Variants in VRK3 observed in about 807,000 individuals in gnomAD.
VRK3 encodes VRK serine/threonine kinase 3, also known as serine/threonine-protein kinase VRK3.
Under a neutral mutation model 60.4 loss-of-function variants are expected in VRK3, and 50 were observed. The observed-to-expected ratio is 0.83, with a 90% CI of 0.66 to 1.05. The LOEUF (loss-of-function observed/expected upper bound fraction) is 1.05. Among genes scored for constraint, VRK3 ranks in the 50% least tolerant of loss-of-function variants. The probability of loss-of-function intolerance (pLI) is 0.00; values close to 1 mark genes in which losing one functional copy is unlikely to be tolerated. For synonymous variants in VRK3, 246 were observed against 227.8 expected (o/e 1.08, Z -0.72); for missense variants, 549 against 585.3 (o/e 0.94, Z 0.64).
chr19:50,003,137 G>A (rs577480643), intron 5 of VRK3, among the ~76,000 whole-genome samples: 10 of 152,268 alleles, frequency 6.6e-5, no homozygotes, highest in East Asian at 1.9e-4. Context: ...GCGGCAAGCA[G>A]AGGCAGCCCA....
At position 50,007,718 on chromosome 19, in the gene VRK3, G is replaced by A; in HGVS notation, c.398C>T (p.Thr133Ile). 6.3e-7 allele frequency: 1 copy of A among 1,583,226 alleles called. No individual in the cohort carries two copies. Among genetic ancestry groups the A allele is most frequent in the Middle Eastern group, 1.7e-4 (1 of 5,952 alleles). ...PQKTSCSPQK[T>I]RQSPQTLKRS... The stretch of plus-strand genomic sequence containing the variant: ...CTTCAGCGTCTGAGGGCTCTGCCTG[G>A]TCTTCTGAGGGCTACAGCTGGTCTT... The change falls in exon 5 of 15, where the codon ACC becomes ATC. Residue 133 changes from threonine to isoleucine, a missense_variant. Coordinates refer to ENST00000316763, the MANE Select transcript of VRK3 (RefSeq NM_016440.4).
intron 5 of VRK3, among the ~76,000 whole-genome samples, chr19:50,001,977 C>T (rs948853680): frequency 6.6e-6 from 1 of 152,170 alleles, no homozygotes; most frequent in Non-Finnish European, 1.5e-5. Context: ...CAGCCCAGAG[C>T]CCAGCACGGA....
At chr19:50,013,139 C>A (rs2077022636) in intron 3 of VRK3, among the ~76,000 whole-genome samples, 1 of 152,158 alleles carries the variant, frequency 6.6e-6, no homozygotes. Context: ...TGCACTCCAG[C>A]CTGGGCGACA....
intron 6 of VRK3, chr19:49,999,188 A>AT (rs2076758187): frequency 6.6e-6 from 1 of 152,218 alleles, no homozygotes; most frequent in South Asian, 2.1e-4. Flanking sequence ...ACTGTCACAT[A>AT]ATAGGTTCTC....
At chr19:50,024,625 T>G (rs2077233744) in intron 1 of VRK3, among the ~76,000 whole-genome samples, 1 of 152,204 alleles carries the variant, frequency 6.6e-6, no homozygotes, top group Non-Finnish European at 1.5e-5. Flanking sequence ...ACAGTGCCTA[T>G]TAGACTAGCA....
chr19:50,017,175 G>T (rs115732142), intron 2 of VRK3, among the ~76,000 whole-genome samples: 1 of 151,578 alleles, frequency 6.6e-6, no homozygotes, highest in Non-Finnish European at 1.5e-5. Context: ...GCCTGGACAA[G>T]AAGAGTGAAA....
chr19:50,024,304 T>A (rs1303452242), intron 1 of VRK3, among the ~76,000 whole-genome samples: 1 of 152,166 alleles, frequency 6.6e-6, no homozygotes, highest in East Asian at 1.9e-4. Context: ...CAACTCTCCA[T>A]AAGTATATGA....
Position 49,988,494 on chromosome 19 carries a change from T to C in VRK3, c.1097-2A>G. Reference sequence around the variant, plus strand: ...GGAGGTCGCTGCGGCGGGAGGGCCCTGGGGAAGGAGGAGTAAAGGTGGCAG... The same window carrying C: ...GGAGGTCGCTGCGGCGGGAGGGCCCCGGGGAAGGAGGAGTAAAGGTGGCAG... On this transcript the variant is annotated splice_acceptor_variant, in intron 11 of 14. Transcript: ENST00000316763. LOFTEE classifies it high-confidence loss of function. The C allele has an allele frequency of 6.2e-7, 1 of 1,612,310 alleles. No individual in the cohort carries two copies. Among genetic ancestry groups the C allele is most frequent in the South Asian group, 1.1e-5 (1 of 90,980 alleles).
intron 5 of VRK3, among the ~76,000 whole-genome samples, chr19:50,003,821 C>T (rs1299521603): frequency 1.8e-4 from 28 of 152,258 alleles, no homozygotes; most frequent in Admixed American, 1.8e-3. Flanking sequence ...AGCTCCGCAT[C>T]AGCAGGGCCT....
In VRK3 at chr19:50,016,943, G is replaced by A. The variant is rs55912249; in HGVS notation, c.-1-780C>T. Among the ~76,000 whole-genome samples, 92 of 137,134 alleles carry A rather than the reference G, an allele frequency of 6.7e-4. No individual in the cohort carries two copies. In the South Asian group the frequency reaches 0.012, roughly 18 times the overall value. 90.0% of individuals were successfully genotyped at this position (137,134 alleles called of 152,430 possible). ...GGTGGCTCAAGCCTGTAATCCCAGC[G>A]CTTTGGGAGGCCATCACAGGCAGAT... On this transcript the variant is annotated intron_variant, in intron 2 of 14. Transcript: ENST00000316763.
intron 12 of VRK3, among the ~76,000 whole-genome samples, chr19:49,983,336 C>T (rs140104079): frequency 6.6e-6 from 1 of 152,244 alleles, no homozygotes; most frequent in Non-Finnish European, 1.5e-5. Flanking sequence ...GGTGGCTGTT[C>T]TCCCTTTGAG....
At chr19:50,001,024 C>T in intron 5 of VRK3, 170 bp from the exon 6 acceptor site, 1 of 609,682 alleles carries the variant, frequency 1.6e-6, no homozygotes, top group Non-Finnish European at 2.9e-6. Flanking sequence ...TAAGCTTCTT[C>T]TTCCTCTTTC....
intron 2 of VRK3, among the ~76,000 whole-genome samples, chr19:50,018,376 T>C (rs982891891): frequency 2.0e-5 from 3 of 152,198 alleles, no homozygotes; most frequent in African/African-American, 2.4e-5. Context: ...GCCTGTCTAT[T>C]TCCTCTAGGT....
intron 12 of VRK3, among the ~76,000 whole-genome samples, chr19:49,987,181 T>G (rs1051353385): frequency 6.6e-6 from 1 of 152,172 alleles, no homozygotes; most frequent in African/African-American, 2.4e-5. Flanking sequence ...CCTGGGCAAC[T>G]GATATTCATG....
At chr19:49,980,126 A>C (rs1299746376) in intron 13 of VRK3, among the ~76,000 whole-genome samples, 1 of 152,202 alleles carries the variant, frequency 6.6e-6, no homozygotes, top group African/African-American at 2.4e-5. Flanking sequence ...GGAACAAGCT[A>C]TCTGTTTCTG....
At chr19:50,007,326 A>AGGCC (rs201566702) in intron 5 of VRK3, among the ~76,000 whole-genome samples, 26,821 of 79,136 alleles carry the variant, frequency 0.34, 2,600 homozygotes, top group East Asian at 0.49. Context: ...CACAGGGCAC[A>AGGCC]TGCCAACTGG....
At position 49,978,810 on chromosome 19, in the gene VRK3, C is replaced by T. The variant is rs1019361076; in HGVS notation, c.*11+273G>A. On this transcript the variant is annotated intron_variant, in intron 14 of 14. Transcript: ENST00000316763. ...ATGCTATTTTTGAGGCCCTGAATCCCGTTGTGCCTGAAGCTCCCCCTTGTA... is the reference window on the plus strand; with the variant it reads ...ATGCTATTTTTGAGGCCCTGAATCCTGTTGTGCCTGAAGCTCCCCCTTGTA... 13 of 334,082 alleles carry T rather than the reference C, an allele frequency of 3.9e-5. 1 individual carries two copies. The South Asian group carries it at 5.8e-4, about 15-fold the overall frequency. 20.7% of individuals were successfully genotyped at this position (334,082 alleles called of 1,614,324 possible). A position where few individuals can be genotyped will look rare whatever the true frequency, so the allele number is the denominator to read the frequency against.
chr19:50,012,620 C>T lies in VRK3; in HGVS notation c.140-3235G>A, dbSNP rs2077012926. 3.3e-5 allele frequency among the ~76,000 whole-genome samples: 5 copies of T among 152,196 alleles called. No homozygotes were observed. The Middle Eastern group carries it at 0.01, about 311-fold the overall frequency. Reference sequence around the variant, plus strand: ...GGTTGGGTTAAGAACTGACTCTGGCCGGGTGCAGTGGCTCATGCCTGTAAT... The same window carrying T: ...GGTTGGGTTAAGAACTGACTCTGGCTGGGTGCAGTGGCTCATGCCTGTAAT... On this transcript the variant is annotated intron_variant, in intron 3 of 14. Transcript: ENST00000316763.
intron 11 of VRK3, among the ~76,000 whole-genome samples, chr19:49,989,051 C>T (rs56284138): frequency 0.052 from 7,990 of 152,222 alleles, 692 homozygotes; most frequent in African/African-American, 0.18. Flanking sequence ...ACTACTTGTC[C>T]GTGCTGGCCT....
Sources: allele counts gnomAD v4.1 joint callset (sites outside exome capture counted in the v4.1 genomes callset), GRCh38; gene constraint gnomAD v4.1.1; transcripts MANE v1.5; gene names NCBI Gene and HGNC (gene_info 2026-07-23, HGNC 2026-07-21).